The following ENOX1 variants were observed in gnomAD, a reference collection of about 807,000 sequenced individuals.
The protein encoded by ENOX1 is candidate growth-related and time keeping constitutive hydroquinone (NADH) oxidase.
ENOX1 carries 42 observed loss-of-function variants against 82.5 expected under a neutral mutation model. The observed-to-expected ratio is 0.51, with a 90% CI of 0.40 to 0.66. The LOEUF (loss-of-function observed/expected upper bound fraction) is 0.66. ENOX1 is among the 30% of genes least tolerant of loss of function. The probability of loss-of-function intolerance (pLI) is 0.00; values close to 1 mark genes in which losing one functional copy is unlikely to be tolerated. For missense variants in ENOX1, 608 were observed against 811.6 expected (o/e 0.75, Z 3.05); for synonymous variants, 271 against 282.2 (o/e 0.96, Z 0.40).
intron 3 of ENOX1, among the ~76,000 whole-genome samples, chr13:43,428,282 T>C (rs1056107989): frequency 1.3e-5 from 2 of 152,176 alleles, no homozygotes; most frequent in African/African-American, 2.4e-5. Context: ...AGAACAAACA[T>C]ATAAAGTTTC....
intron 9 of ENOX1, among the ~76,000 whole-genome samples, chr13:43,343,827 A>T (rs2049207513): frequency 6.6e-6 from 1 of 152,192 alleles, no homozygotes; most frequent in African/African-American, 2.4e-5. Context: ...TGCCACTGTG[A>T]CATTAACTAC....
intron 2 of ENOX1, among the ~76,000 whole-genome samples, chr13:43,500,281 T>C (rs759563157): frequency 8.5e-5 from 13 of 152,154 alleles, no homozygotes; most frequent in Non-Finnish European, 1.6e-4. Flanking sequence ...TAAAGAGTTC[T>C]AGGAGAAATT....
At chr13:43,731,047 T>C (rs2089310635) in intron 1 of ENOX1, among the ~76,000 whole-genome samples, 1 of 152,182 alleles carries the variant, frequency 6.6e-6, no homozygotes, top group South Asian at 2.1e-4. Context: ...ACCCAGTTCC[T>C]ATTACATAAT....
intron 14 of ENOX1, among the ~76,000 whole-genome samples, chr13:43,240,836 C>A (rs2042789394): frequency 1.3e-5 from 2 of 152,206 alleles, no homozygotes; most frequent in African/African-American, 4.8e-5. Flanking sequence ...GTTTTGTTTG[C>A]AGCAGGAAAT....
chr13:43,267,940 T>G (rs1318067885), intron 13 of ENOX1, among the ~76,000 whole-genome samples: 1 of 152,240 alleles, frequency 6.6e-6, no homozygotes, highest in Non-Finnish European at 1.5e-5. Flanking sequence ...TCGAATCTTC[T>G]TCACGTTCTC....
intron 1 of ENOX1, among the ~76,000 whole-genome samples, chr13:43,724,922 A>G (rs973696501): frequency 6.6e-6 from 1 of 152,192 alleles, no homozygotes; most frequent in African/African-American, 2.4e-5. Flanking sequence ...TGCAGTATAT[A>G]TGAGATAAGT....
intron 1 of ENOX1, among the ~76,000 whole-genome samples, chr13:43,757,158 G>A (rs1043941634): frequency 3.9e-5 from 6 of 152,010 alleles, no homozygotes; most frequent in Admixed American, 1.3e-4. Context: ...ATAATTATAC[G>A]AGAGACCTGA....
chr13:43,578,137 G>C (rs74839125), intron 2 of ENOX1, among the ~76,000 whole-genome samples: 2 of 152,104 alleles, frequency 1.3e-5, no homozygotes, highest in East Asian at 3.9e-4. Context: ...CATTTGAAAC[G>C]ATCTGGCTTC....
chr13:43,760,216 G>A (rs1396324605), intron 1 of ENOX1, among the ~76,000 whole-genome samples: 1 of 152,174 alleles, frequency 6.6e-6, no homozygotes, highest in Non-Finnish European at 1.5e-5. Context: ...AGTGCACTTT[G>A]TAGAAGGCTA....
chr13:43,546,975 C>G (rs576593288), intron 2 of ENOX1: 1 of 152,228 alleles, frequency 6.6e-6, no homozygotes, highest in East Asian at 1.9e-4. Context: ...GCAGGCAGGA[C>G]TAAACTGCTT....
chr13:43,537,081 C>A (rs2078493336), intron 2 of ENOX1, among the ~76,000 whole-genome samples: 1 of 152,170 alleles, frequency 6.6e-6, no homozygotes, highest in South Asian at 2.1e-4. Flanking sequence ...GTTCAGTGGG[C>A]ACTCATGAAT....
At chr13:43,772,996 A>C (rs1951732385) in intron 1 of ENOX1, among the ~76,000 whole-genome samples, 1 of 152,226 alleles carries the variant, frequency 6.6e-6, no homozygotes, top group East Asian at 1.9e-4. Flanking sequence ...CAGATAATCA[A>C]ACCTGATCCT....
At chr13:43,564,021 G>A (rs964460833) in intron 2 of ENOX1, among the ~76,000 whole-genome samples, 2 of 151,170 alleles carry the variant, frequency 1.3e-5, no homozygotes, top group African/African-American at 4.9e-5. Flanking sequence ...TACAATGCCA[G>A]TATTACCCTA....
Position 43,213,229 on chromosome 13 carries a change from A to ATG in ENOX1, c.*759_*760dup, listed in dbSNP as rs2041268600. Among the ~76,000 whole-genome samples, 1 of 152,146 alleles carries ATG rather than the reference A, an allele frequency of 6.6e-6. No homozygotes were observed. ...TGTTTATTTTGATGCATAAACCTGA[A>ATG]TGTTACATACCAAGTACAAGACAAT... is the stretch of plus-strand genomic sequence containing the variant. On this transcript the variant is annotated 3_prime_UTR_variant, in exon 17 of 17. Coordinates refer to ENST00000690772, the MANE Select transcript of ENOX1 (RefSeq NM_001347969.2).
At chr13:43,763,569 A>C (rs545156566) in intron 1 of ENOX1, among the ~76,000 whole-genome samples, 1 of 152,320 alleles carries the variant, frequency 6.6e-6, no homozygotes, top group East Asian at 1.9e-4. Flanking sequence ...CTGAAAATCA[A>C]CTAGTTGCTT....
chr13:43,318,734 G>A lies in ENOX1; in HGVS notation c.1261+3650C>T, dbSNP rs961262500. ...TACTTGGGGAAAGGCCCAGGGCCAC[G>A]TGTTGGAGGATGACTAAGATAACAA... On this transcript the variant is annotated intron_variant, in intron 11 of 16. Transcript: ENST00000690772. Among the ~76,000 whole-genome samples, 7 of 152,226 alleles carry A rather than the reference G, an allele frequency of 4.6e-5. No individual in the cohort carries two copies. In the South Asian group the frequency reaches 6.2e-4, roughly 14 times the overall value.
intron 13 of ENOX1, among the ~76,000 whole-genome samples, chr13:43,268,583 AT>A (rs1254393670): frequency 6.6e-6 from 1 of 152,216 alleles, no homozygotes; most frequent in Non-Finnish European, 1.5e-5. Flanking sequence ...TTAAAAAAAA[AT>A]CACTCATAAA....
At chr13:43,690,992 T>G (rs914632626) in intron 1 of ENOX1, among the ~76,000 whole-genome samples, 1 of 152,162 alleles carries the variant, frequency 6.6e-6, no homozygotes, top group African/African-American at 2.4e-5. Flanking sequence ...AATGCAAAAT[T>G]CACAATTTGG....
chr13:43,716,043 CCTT>C (rs2088104564), intron 1 of ENOX1, among the ~76,000 whole-genome samples: 2 of 152,324 alleles, frequency 1.3e-5, no homozygotes, highest in South Asian at 4.1e-4. Context: ...ATCTCTGAAG[CCTT>C]CTTCTCTCAA....
Sources: allele counts gnomAD v4.1 joint callset (sites outside exome capture counted in the v4.1 genomes callset), GRCh38; gene constraint gnomAD v4.1.1; transcripts MANE v1.5; gene names NCBI Gene and HGNC (gene_info 2026-07-23, HGNC 2026-07-21).